The following MARCHF1 variants were observed in gnomAD, a reference collection of about 807,000 sequenced individuals.
MARCHF1 encodes membrane associated ring-CH-type finger 1, also known as E3 ubiquitin-protein ligase MARCHF1.
Under a neutral mutation model 54.2 loss-of-function variants are expected in MARCHF1, and 40 were observed. That is an observed-to-expected ratio of 0.74 (90% CI 0.57 to 0.96). MARCHF1 has a LOEUF of 0.96. Ranked by LOEUF, MARCHF1 falls within the 40% of genes least tolerant of loss-of-function variation. MARCHF1 has a pLI of 0.00. For missense variants in MARCHF1, 586 were observed against 656.5 expected (o/e 0.89, Z 1.17); for synonymous variants, 236 against 236.3 (o/e 1.00, Z 0.01).
chr4:164,351,441 T>C (rs571472720), intron 1 of MARCHF1, among the ~76,000 whole-genome samples: 2 of 150,816 alleles, frequency 1.3e-5, no homozygotes, highest in African/African-American at 4.8e-5. Context: ...CCTCCTCAAG[T>C]GGGTCCCTGA....
At chr4:164,091,316 A>C (rs1401397317) in intron 2 of MARCHF1, among the ~76,000 whole-genome samples, 2 of 151,480 alleles carry the variant, frequency 1.3e-5, no homozygotes, top group Non-Finnish European at 2.9e-5. Context: ...TAAATATTCG[A>C]AACATAGTTA....
intron 3 of MARCHF1, among the ~76,000 whole-genome samples, chr4:163,892,258 A>T (rs995818409): frequency 2.0e-5 from 3 of 152,170 alleles, no homozygotes; most frequent in Admixed American, 1.3e-4. Flanking sequence ...AATTATATTT[A>T]TGTATCATTT....
At chr4:163,617,429 G>C (rs1029113039) in intron 5 of MARCHF1, among the ~76,000 whole-genome samples, 5 of 152,060 alleles carry the variant, frequency 3.3e-5, no homozygotes, top group African/African-American at 1.2e-4. Context: ...TGATGGGTTG[G>C]TAATTACCCG....
At chr4:164,303,751 C>CTCA (rs1560994574) in intron 1 of MARCHF1, among the ~76,000 whole-genome samples, 1 of 152,046 alleles carries the variant, frequency 6.6e-6, no homozygotes, top group Admixed American at 6.6e-5. Context: ...CCATCGCCTC[C>CTCA]CCAACACATA....
intron 3 of MARCHF1, among the ~76,000 whole-genome samples, chr4:163,916,880 C>T (rs1751319265): frequency 6.6e-6 from 1 of 152,094 alleles, no homozygotes; most frequent in Non-Finnish European, 1.5e-5. Context: ...TGGTTTATAT[C>T]AAGGTTCACT....
chr4:163,819,757 C>G (rs1748640214), intron 4 of MARCHF1, among the ~76,000 whole-genome samples: 1 of 152,130 alleles, frequency 6.6e-6, no homozygotes, highest in Non-Finnish European at 1.5e-5. Context: ...TACAAACCAA[C>G]TTGCATATGC....
chr4:164,122,240 C>T (rs910892728), intron 1 of MARCHF1, among the ~76,000 whole-genome samples: 1 of 152,080 alleles, frequency 6.6e-6, no homozygotes, highest in African/African-American at 2.4e-5. Context: ...AGTTAAGAAA[C>T]ATTTACTTAG....
At chr4:164,197,317 A>T (rs760392892) in intron 1 of MARCHF1, 2 of 1,612,078 alleles carry the variant, frequency 1.2e-6, no homozygotes, top group African/African-American at 2.7e-5. Context: ...GAGAAGCTTG[A>T]ACACGTTTTC....
At chr4:163,986,255 T>C (rs1429112744) in intron 3 of MARCHF1, among the ~76,000 whole-genome samples, 5 of 13,510 alleles carry the variant, frequency 3.7e-4, no homozygotes, top group African/African-American at 4.7e-4. Flanking sequence ...TCTTCTTTTT[T>C]TTTTTTTTTT....
At chr4:163,600,042 T>G (rs1388234974) in intron 7 of MARCHF1, among the ~76,000 whole-genome samples, 1 of 152,170 alleles carries the variant, frequency 6.6e-6, no homozygotes. Flanking sequence ...TTGTACCAGT[T>G]GCTAGCCCCC....
At chr4:163,571,263 T>C (rs1739834917) in intron 8 of MARCHF1, among the ~76,000 whole-genome samples, 2 of 152,108 alleles carry the variant, frequency 1.3e-5, no homozygotes, top group South Asian at 4.1e-4. Flanking sequence ...TTTCAAATTA[T>C]TTTGACTAAC....
intron 5 of MARCHF1, among the ~76,000 whole-genome samples, chr4:163,620,592 CACACACACACACACAG>C (rs1031705143): frequency 1.2e-5 from 1 of 86,192 alleles, no homozygotes; most frequent in Admixed American, 1.3e-4. Context: ...CACACACACA[CACACACACACACACAG>C]AGAGAGAGAG....
At chr4:163,953,328 T>C (rs1393017713) in intron 3 of MARCHF1, among the ~76,000 whole-genome samples, 1 of 152,208 alleles carries the variant, frequency 6.6e-6, no homozygotes, top group Non-Finnish European at 1.5e-5. Flanking sequence ...TTTCTTGCTG[T>C]ATGACTTTGA....
intron 1 of MARCHF1, among the ~76,000 whole-genome samples, chr4:164,314,058 G>T (rs1372539662): frequency 6.6e-6 from 1 of 152,138 alleles, no homozygotes; most frequent in Non-Finnish European, 1.5e-5. Context: ...CCTTTGTTTC[G>T]AAGGTAGAGC....
At chr4:164,250,178 A>G (rs1181163771) in intron 1 of MARCHF1, among the ~76,000 whole-genome samples, 1 of 152,102 alleles carries the variant, frequency 6.6e-6, no homozygotes, top group African/African-American at 2.4e-5. Context: ...CAGATCCAAG[A>G]TAGATTTGGG....
At chr4:164,131,745 A>T (rs896337318) in intron 1 of MARCHF1, among the ~76,000 whole-genome samples, 2 of 152,112 alleles carry the variant, frequency 1.3e-5, no homozygotes, top group Non-Finnish European at 2.9e-5. Context: ...TTATGGATAT[A>T]CTATGAAACA....
intron 5 of MARCHF1, among the ~76,000 whole-genome samples, chr4:163,656,271 T>G (rs1477039267): frequency 6.6e-6 from 1 of 151,814 alleles, no homozygotes; most frequent in Non-Finnish European, 1.5e-5. Flanking sequence ...GGGAATACTA[T>G]AAATACCTCT....
intron 4 of MARCHF1, among the ~76,000 whole-genome samples, chr4:163,750,695 T>C (rs571320731): frequency 7.9e-5 from 12 of 152,232 alleles, no homozygotes; most frequent in African/African-American, 2.6e-4. Context: ...TTTATGAAGT[T>C]AGCATAACCT....
intron 4 of MARCHF1, among the ~76,000 whole-genome samples, chr4:163,828,015 ACAC>A (rs1360104758): frequency 2.1e-4 from 1 of 4,778 alleles, no homozygotes; most frequent in Non-Finnish European, 9.9e-4. Flanking sequence ...GCGCAGGCAT[ACAC>A]ACACACACAC....
Sources: gnomAD v4.1 joint callset for allele counts (sites outside exome capture counted in the v4.1 genomes callset) on GRCh38, gnomAD v4.1.1 for gene constraint, MANE v1.5 for transcripts, NCBI Gene and HGNC (gene_info 2026-07-23, HGNC 2026-07-21) for gene names.